Variants in DMD observed in about 807,000 individuals in gnomAD.
The protein encoded by DMD is dystrophin.
A neutral mutation model predicts 330.1 loss-of-function variants in DMD; 63 were observed. The ratio of observed to expected loss-of-function variants is 0.19; its 90% CI spans 0.16 to 0.24. The LOEUF (loss-of-function observed/expected upper bound fraction) is 0.24, where lower values mean the gene tolerates loss of function less well. Among genes scored for constraint, DMD ranks in the 10% least tolerant of loss-of-function variants. The probability of loss-of-function intolerance (pLI) is 1.00; values close to 1 mark genes in which losing one functional copy is unlikely to be tolerated. For missense variants in DMD, 3,344 were observed against 2,684.1 expected, an observed-to-expected ratio of 1.25 and a Z score of -5.43; for synonymous variants, 1,223 against 959.8, an observed-to-expected ratio of 1.27 and a Z score of -5.07.
chrX:33,064,747 G>A (rs1028908490), intron 1 of DMD, among the ~76,000 whole-genome samples: 1 of 110,502 alleles, frequency 9.0e-6, no homozygotes. Context: ...AAATTAGCCG[G>A]GCATGGTGGC....
In DMD at chrX:32,428,332, A is replaced by G. The variant is rs181374531; in HGVS notation, c.4071+9909T>C. ...TACTATTGATTCTAGCTTGTTACAA[A>G]TTTAAGAGTATTTCCCTAATAATAC... On this transcript the variant is annotated intron_variant, in intron 29 of 78. Coordinates refer to ENST00000357033, the MANE Select transcript of DMD (RefSeq NM_004006.3). Among the ~76,000 whole-genome samples, 574 of 111,923 alleles carry G rather than the reference A, an allele frequency of 5.1e-3. 4 individuals are homozygous for G. Among genetic ancestry groups the G allele is most frequent in the South Asian group, 0.05 (134 of 2,702 alleles).
chrX:33,242,703 A>C (rs748760004), intron 1 of DMD, among the ~76,000 whole-genome samples: 3 of 112,060 alleles, frequency 2.7e-5, no homozygotes, highest in African/African-American at 9.7e-5. Context: ...ACTAGTCTAC[A>C]TCCCCACCAG....
chrX:32,471,655 T>A (rs964228073), intron 22 of DMD, among the ~76,000 whole-genome samples: 3 of 111,900 alleles, frequency 2.7e-5, no homozygotes, highest in East Asian at 2.8e-4. Flanking sequence ...CAGAGATGAG[T>A]TAAAGTATAT....
intron 71 of DMD, among the ~76,000 whole-genome samples, chrX:31,177,224 T>C (rs1315861975): frequency 9.0e-6 from 1 of 111,503 alleles, no homozygotes; most frequent in East Asian, 2.8e-4. Flanking sequence ...AATCATCTGC[T>C]GGTATCTAAG....
intron 62 of DMD, among the ~76,000 whole-genome samples, chrX:31,310,203 C>A (rs369523338): frequency 1.2e-4 from 11 of 91,492 alleles, no homozygotes; most frequent in African/African-American, 4.8e-4. Flanking sequence ...CTCTCTCTCT[C>A]TCCATATATA....
intron 60 of DMD, among the ~76,000 whole-genome samples, chrX:31,352,304 T>C (rs2058473413): frequency 9.0e-6 from 1 of 111,360 alleles, no homozygotes; most frequent in Non-Finnish European, 1.9e-5. Flanking sequence ...GGTCATTTCA[T>C]GAATAAATCA....
intron 34 of DMD, among the ~76,000 whole-genome samples, chrX:32,369,364 T>G (rs1236460766): frequency 9.0e-6 from 1 of 111,438 alleles, no homozygotes; most frequent in Non-Finnish European, 1.9e-5. Flanking sequence ...TCTGATTCAT[T>G]CCCCATATCT....
intron 55 of DMD, among the ~76,000 whole-genome samples, chrX:31,536,207 A>G (rs1293175810): frequency 2.7e-5 from 3 of 111,330 alleles, no homozygotes; most frequent in African/African-American, 9.8e-5. Flanking sequence ...GAATCTCCTC[A>G]TTTTATGCAT....
chrX:31,875,200 T>C lies in DMD; in HGVS notation c.7086A>G (p.Pro2362=). 1 of 1,205,914 alleles carries C rather than the reference T, an allele frequency of 8.3e-7. No individual in the cohort carries two copies. Among genetic ancestry groups the C allele is most frequent in the Non-Finnish European group, 1.1e-6 (1 of 892,583 alleles). The change falls in exon 48 of 79, where the codon CCA becomes CCG. Residue 2362 remains proline (P), a synonymous_variant. Transcript: ENST00000357033. Reference sequence around the variant, plus strand: ...AAAAGTTCCCTACCTTAACGTCAAATGGTCCTTCTTGGTTTGGTTGGTTAT... The same window carrying C: ...AAAAGTTCCCTACCTTAACGTCAAACGGTCCTTCTTGGTTTGGTTGGTTAT... ...EIYNQPNQEG[P]FDVKETEIAV...
At chrX:32,009,926 C>T (rs2095693036) in intron 44 of DMD, among the ~76,000 whole-genome samples, 2 of 111,756 alleles carry the variant, frequency 1.8e-5, no homozygotes, top group Admixed American at 1.9e-4. Flanking sequence ...GAAACGAGTC[C>T]CTGGATTTAA....
At chrX:32,961,442 T>C (rs777594017) in intron 2 of DMD, among the ~76,000 whole-genome samples, 1 of 111,077 alleles carries the variant, frequency 9.0e-6, no homozygotes, top group Non-Finnish European at 1.9e-5. Context: ...CATTTAAAAA[T>C]TCTAATAAGG....
intron 55 of DMD, among the ~76,000 whole-genome samples, chrX:31,528,040 A>G (rs983522415): frequency 9.0e-6 from 1 of 111,052 alleles, no homozygotes; most frequent in Non-Finnish European, 1.9e-5. Flanking sequence ...AAACAATACA[A>G]CTTTATGGTT....
intron 12 of DMD, among the ~76,000 whole-genome samples, chrX:32,598,079 T>G (rs2055773144): frequency 1.8e-5 from 2 of 112,169 alleles, no homozygotes; most frequent in Admixed American, 1.9e-4. Context: ...CTCAAATGCA[T>G]GAGCATTTTT....
chrX:32,255,403 T>C (rs200089844), intron 43 of DMD, among the ~76,000 whole-genome samples: 2 of 104,373 alleles, frequency 1.9e-5, no homozygotes, highest in East Asian at 6.1e-4. Flanking sequence ...ATAATCACAC[T>C]CATTCATTTA....
chrX:31,872,651 C>T (rs893115828), intron 48 of DMD, among the ~76,000 whole-genome samples: 12 of 111,480 alleles, frequency 1.1e-4, no homozygotes, highest in Non-Finnish European at 2.1e-4. Context: ...GTGCTTTTAC[C>T]GTGAGCTACA....
intron 9 of DMD, among the ~76,000 whole-genome samples, chrX:32,673,748 C>CT (rs2061783289): frequency 8.9e-6 from 1 of 112,137 alleles, no homozygotes; most frequent in Non-Finnish European, 1.9e-5. Flanking sequence ...TGGCTATGCC[C>CT]TCTACCCCAA....
At chrX:31,485,743 C>A (rs1203565657) in intron 57 of DMD, among the ~76,000 whole-genome samples, 1 of 111,685 alleles carries the variant, frequency 9.0e-6, no homozygotes, top group African/African-American at 3.3e-5. Flanking sequence ...TGAGTAAAAG[C>A]CCGTGCTTTT....
At chrX:31,918,937 T>G (rs913313440) in intron 47 of DMD, among the ~76,000 whole-genome samples, 5 of 112,201 alleles carry the variant, frequency 4.5e-5, no homozygotes, top group Non-Finnish European at 9.4e-5. Flanking sequence ...GTGCCCAGCC[T>G]CAACATCTTT....
intron 55 of DMD, among the ~76,000 whole-genome samples, chrX:31,609,750 G>A (rs1281404684): frequency 9.0e-6 from 1 of 111,493 alleles, no homozygotes; most frequent in East Asian, 2.8e-4. Flanking sequence ...TGTTGCATAT[G>A]TTACTGGATT....
Sources: allele counts gnomAD v4.1 joint callset (sites outside exome capture counted in the v4.1 genomes callset), GRCh38; gene constraint gnomAD v4.1.1; transcripts MANE v1.5; gene names NCBI Gene and HGNC (gene_info 2026-07-23, HGNC 2026-07-21).